Variants in THSD7B observed in about 807,000 individuals in gnomAD.
THSD7B encodes the protein thrombospondin type-1 domain-containing protein 7B.
Under a neutral mutation model 213.6 loss-of-function variants are expected in THSD7B, and 138 were observed. That is an observed-to-expected ratio of 0.65 (90% confidence interval 0.56 to 0.74). The LOEUF (loss-of-function observed/expected upper bound fraction) is 0.74, where lower values mean the gene tolerates loss of function less well. Among genes scored for constraint, THSD7B ranks in the 30% least tolerant of loss-of-function variants. THSD7B has a pLI of 0.00. For missense variants in THSD7B, 1,931 were observed against 1,991.5 expected (o/e 0.97, Z 0.58); for synonymous variants, 742 against 687.0 (o/e 1.08, Z -1.25).
chr2:137,245,982 T>C (rs1215424320), intron 10 of THSD7B, among the ~76,000 whole-genome samples: 3 of 152,150 alleles, frequency 2.0e-5, no homozygotes, highest in Non-Finnish European at 4.4e-5. Context: ...TACATATATG[T>C]TGGGTATAAA....
intron 1 of THSD7B, among the ~76,000 whole-genome samples, chr2:136,860,070 T>A (rs1683236316): frequency 1.5e-5 from 2 of 132,408 alleles, no homozygotes; most frequent in Non-Finnish European, 1.5e-5. Context: ...CAGGCTGGAG[T>A]GCAGCGGCGT....
At chr2:136,839,910 G>A (rs1682898062) in intron 1 of THSD7B, among the ~76,000 whole-genome samples, 1 of 152,076 alleles carries the variant, frequency 6.6e-6, no homozygotes, top group South Asian at 2.1e-4. Flanking sequence ...TCAAGTTTAT[G>A]CATTCAGTAA....
intron 26 of THSD7B, among the ~76,000 whole-genome samples, chr2:137,664,462 T>C (rs759896227): frequency 1.3e-5 from 2 of 152,152 alleles, no homozygotes; most frequent in African/African-American, 2.4e-5. Context: ...AGGATTGTCA[T>C]GGATATTGCA....
intron 7 of THSD7B, among the ~76,000 whole-genome samples, chr2:137,201,148 TATTG>T (rs1421741913): frequency 6.6e-6 from 1 of 152,308 alleles, no homozygotes; most frequent in Admixed American, 6.5e-5. Flanking sequence ...TGTTTGACTA[TATTG>T]ATTGATTGAT....
At chr2:137,388,371 A>T (rs991180176) in intron 12 of THSD7B, among the ~76,000 whole-genome samples, 1 of 151,864 alleles carries the variant, frequency 6.6e-6, no homozygotes, top group Non-Finnish European at 1.5e-5. Context: ...GTGACCCTTA[A>T]TTCTTTTTGA....
chr2:137,546,377 A>T lies in THSD7B; in HGVS notation c.3139-16844A>T, dbSNP rs1304497470. 6.7e-4 allele frequency among the ~76,000 whole-genome samples: 29 copies of T among 43,190 alleles called. 1 individual carries two copies. The highest frequency in any genetic ancestry group is 9.4e-3 in the Middle Eastern group (1 of 106). 28.3% of individuals were successfully genotyped at this position (43,190 alleles called of 152,430 possible). On this transcript the variant is annotated intron_variant, in intron 15 of 27. Coordinates refer to ENST00000409968, the MANE Select transcript of THSD7B (RefSeq NM_001316349.2). ...TATATATATATTATATATATATATA[A>T]TATATATATTATATATATTATATAT...
intron 2 of THSD7B, among the ~76,000 whole-genome samples, chr2:136,990,460 C>G (rs546519207): frequency 2.4e-4 from 37 of 152,150 alleles, no homozygotes; most frequent in African/African-American, 8.4e-4. Context: ...GTGATGAAGA[C>G]AGCAGATGGA....
intron 15 of THSD7B, among the ~76,000 whole-genome samples, chr2:137,458,734 G>T (rs1687820265): frequency 6.6e-6 from 1 of 152,152 alleles, no homozygotes. Flanking sequence ...GATGTGCATG[G>T]TCTGTCCCTT....
chr2:137,255,284 C>T (rs553038741), intron 10 of THSD7B, among the ~76,000 whole-genome samples: 74 of 152,262 alleles, frequency 4.9e-4, no homozygotes, highest in African/African-American at 1.8e-3. Flanking sequence ...AAAACATTCT[C>T]CTTGGGTGAG....
intron 5 of THSD7B, among the ~76,000 whole-genome samples, chr2:137,119,570 A>G (rs1040051449): frequency 2.0e-5 from 3 of 152,206 alleles, no homozygotes; most frequent in African/African-American, 7.2e-5. Flanking sequence ...GTTTGTGTTC[A>G]GTAGCAGCCT....
At chr2:137,540,073 A>C (rs1394643634) in intron 15 of THSD7B, among the ~76,000 whole-genome samples, 1 of 151,732 alleles carries the variant, frequency 6.6e-6, no homozygotes, top group African/African-American at 2.4e-5. Flanking sequence ...GAGATATAGA[A>C]AAGGGGTCAG....
At chr2:136,781,120 G>A (rs561807614) in intron 1 of THSD7B, among the ~76,000 whole-genome samples, 42 of 152,220 alleles carry the variant, frequency 2.8e-4, no homozygotes, top group African/African-American at 9.6e-4. Flanking sequence ...ATATGTAGAT[G>A]TTTTCAATTT....
At chr2:136,965,861 T>C (rs1476497457) in intron 2 of THSD7B, among the ~76,000 whole-genome samples, 1 of 152,210 alleles carries the variant, frequency 6.6e-6, no homozygotes, top group Admixed American at 6.5e-5. Context: ...ATTTCCCACG[T>C]GGTAGGTGCT....
At chr2:137,424,088 G>A (rs1253673334) in intron 14 of THSD7B, among the ~76,000 whole-genome samples, 1 of 147,334 alleles carries the variant, frequency 6.8e-6, no homozygotes, top group Admixed American at 7.0e-5. Context: ...AACAAATGGT[G>A]CTGGAACAAC....
chr2:136,849,875 A>T (rs571844766), intron 1 of THSD7B, among the ~76,000 whole-genome samples: 1 of 152,092 alleles, frequency 6.6e-6, no homozygotes, highest in Non-Finnish European at 1.5e-5. Context: ...AAATCTTAAT[A>T]GTTTTTTTAT....
At chr2:136,942,783 A>G (rs553861657) in intron 2 of THSD7B, among the ~76,000 whole-genome samples, 25 of 152,304 alleles carry the variant, frequency 1.6e-4, no homozygotes, top group African/African-American at 5.8e-4. Context: ...ATGTACAATC[A>G]TGTCATCTGC....
At chr2:136,920,153 C>T (rs1684410626) in intron 2 of THSD7B, among the ~76,000 whole-genome samples, 1 of 152,244 alleles carries the variant, frequency 6.6e-6, no homozygotes, top group Non-Finnish European at 1.5e-5. Flanking sequence ...TGCCATTCAG[C>T]AGGTTCCAAG....
intron 1 of THSD7B, among the ~76,000 whole-genome samples, chr2:136,854,723 CCT>C (rs1222354295): frequency 4.7e-4 from 71 of 151,368 alleles, no homozygotes; most frequent in Non-Finnish European, 1.0e-4. Context: ...CAGTGTTTTT[CCT>C]CTGTCTTTAC....
intron 4 of THSD7B, among the ~76,000 whole-genome samples, chr2:137,103,011 C>T (rs2104926721): frequency 1.3e-5 from 2 of 152,242 alleles, no homozygotes; most frequent in South Asian, 4.1e-4. Flanking sequence ...GACAGACCAA[C>T]ATTCAAATTC....
Sources: allele counts gnomAD v4.1 joint callset (sites outside exome capture counted in the v4.1 genomes callset), GRCh38; gene constraint gnomAD v4.1.1; transcripts MANE v1.5; gene names NCBI Gene and HGNC (gene_info 2026-07-23, HGNC 2026-07-21).